The following CCDC93 variants were observed in gnomAD, a reference collection of about 807,000 sequenced individuals.
CCDC93 encodes the protein coiled-coil domain-containing protein 93.
Under a neutral mutation model 108.2 loss-of-function variants are expected in CCDC93, and 61 were observed. That is an observed-to-expected ratio of 0.56 (90% confidence interval 0.46 to 0.70). CCDC93 has a LOEUF of 0.70. Ranked by LOEUF, CCDC93 falls within the 30% of genes least tolerant of loss-of-function variation. CCDC93 has a pLI of 0.00. For missense variants in CCDC93, 685 were observed against 764.2 expected (o/e 0.90, Z 1.22); for synonymous variants, 276 against 260.4 (o/e 1.06, Z -0.58).
chr2:117,945,429 G>C (rs573327113), intron 17 of CCDC93, 100 bp downstream of exon 17: 6 of 943,074 alleles, frequency 6.4e-6, no homozygotes, highest in South Asian at 4.1e-5. Flanking sequence ...GTTGGCCATA[G>C]AGCACATTAA....
At chr2:117,970,354 A>G (rs1679721455) in intron 11 of CCDC93, among the ~76,000 whole-genome samples, 1 of 152,220 alleles carries the variant, frequency 6.6e-6, no homozygotes, top group Admixed American at 6.5e-5. Context: ...AATTCTACAT[A>G]GGTTAAAGAA....
At chr2:117,955,111 C>T (rs997659743) in intron 12 of CCDC93, among the ~76,000 whole-genome samples, 1 of 152,116 alleles carries the variant, frequency 6.6e-6, no homozygotes, top group South Asian at 2.1e-4. Flanking sequence ...AATAATAGTA[C>T]CTCCCCTTCA....
intron 23 of CCDC93, among the ~76,000 whole-genome samples, chr2:117,923,680 G>A (rs4497885): frequency 6.9e-6 from 1 of 145,212 alleles, no homozygotes; most frequent in Non-Finnish European, 1.5e-5. Context: ...CTGCCTGCCT[G>A]CCTCTATAGA....
At position 117,995,183 on chromosome 2, in the gene CCDC93, G is replaced by A. The variant is rs181299044; in HGVS notation, c.519+263C>T. 3.4e-4 allele frequency among the ~76,000 whole-genome samples: 52 copies of A among 152,312 alleles called. No individual in the cohort carries two copies. The East Asian group carries it at 9.3e-3, about 27-fold the overall frequency. On this transcript the variant is annotated intron_variant, in intron 6 of 23. Coordinates refer to ENST00000376300, the MANE Select transcript of CCDC93 (RefSeq NM_019044.5). The stretch of plus-strand genomic sequence containing the variant: ...TATACCTGCCATTGGGATAAACTAG[G>A]AAGGGCTCTGTGTTTGGCTATTCCT...
intron 11 of CCDC93, among the ~76,000 whole-genome samples, chr2:117,964,047 T>C (rs906928950): frequency 6.6e-6 from 1 of 152,234 alleles, no homozygotes; most frequent in Non-Finnish European, 1.5e-5. Context: ...CAGGAAATCT[T>C]AGAGCCGTTT....
chr2:117,980,698 CATA>C lies in CCDC93; in HGVS notation c.621-2671_621-2669del, dbSNP rs1217121429. Among the ~76,000 whole-genome samples the C allele has an allele frequency of 3.9e-5, 6 of 152,328 alleles. No homozygotes were observed. The East Asian group carries it at 9.6e-4, about 24-fold the overall frequency. On this transcript the variant is annotated intron_variant, in intron 7 of 23. Coordinates refer to ENST00000376300, the MANE Select transcript of CCDC93 (RefSeq NM_019044.5). The stretch of plus-strand genomic sequence containing the variant: ...TTTAAAAAAATATTTTAAAAACTGA[CATA>C]ATTCATATAATATAAAATTCACCAT...
Position 118,013,923 on chromosome 2 carries a change from G to A in CCDC93, c.42+31C>T, listed in dbSNP as rs950691554. 13 of 1,548,174 alleles carry A rather than the reference G, an allele frequency of 8.4e-6. No homozygotes were observed. In the Admixed American group the frequency reaches 1.6e-4, roughly 19 times the overall value. ...GCTCGGCCCTCTCTTCAGGAACCCC[G>A]ACGTGTCAGGGAAGGAGGAGGCGTT... On this transcript the variant is annotated intron_variant, in intron 1 of 23. Coordinates refer to ENST00000376300, the MANE Select transcript of CCDC93 (RefSeq NM_019044.5).
chr2:117,937,679 G>T (rs1678566848), intron 20 of CCDC93, among the ~76,000 whole-genome samples: 1 of 152,194 alleles, frequency 6.6e-6, no homozygotes, highest in Admixed American at 6.5e-5. Context: ...TTTGGGAAGG[G>T]GCTGGCCTAT....
chr2:117,935,611 C>A, intron 21 of CCDC93, 32 bp from the exon 22 acceptor site: 1 of 1,490,048 alleles, frequency 6.7e-7, no homozygotes, highest in Non-Finnish European at 9.4e-7. Context: ...TTATGACCGG[C>A]ACACAGGACT....
rs1396871708 is a variant in CCDC93 at position 117,931,155 on chromosome 2, T to C, written c.1729-5A>G. The C allele has an allele frequency of 6.2e-7, 1 of 1,602,754 alleles. No individual in the cohort carries two copies. Among genetic ancestry groups the C allele is most frequent in the African/African-American group, 1.3e-5 (1 of 74,664 alleles). Reference sequence around the variant, plus strand: ...CTCTTGCTTTTTCTTTTCCATCTGTTGAAACATTGTGGGAAATGGTGATGA... The same window carrying C: ...CTCTTGCTTTTTCTTTTCCATCTGTCGAAACATTGTGGGAAATGGTGATGA... On this transcript the variant is annotated splice_polypyrimidine_tract_variant and splice_region_variant and intron_variant, in intron 22 of 23. Transcript: ENST00000376300.
chr2:118,005,879 G>T lies in CCDC93; in HGVS notation c.251+843C>A, dbSNP rs1220953279. 4.6e-5 allele frequency among the ~76,000 whole-genome samples: 7 copies of T among 152,176 alleles called. No individual in the cohort carries two copies. The East Asian group carries it at 5.8e-4, about 13-fold the overall frequency. ...ATGCTGTATAAATATAAAGTAAATT[G>T]CAACATTCCTGATGCTCAGTTACTC... On this transcript the variant is annotated intron_variant, in intron 3 of 23. Transcript: ENST00000376300.
chr2:117,917,025 A>G lies in CCDC93; in HGVS notation c.*3318T>C, dbSNP rs1188062554. On this transcript the variant is annotated 3_prime_UTR_variant, in exon 24 of 24. Coordinates refer to ENST00000376300, the MANE Select transcript of CCDC93 (RefSeq NM_019044.5). ...AACACCAGCCATGAGTAAATCATAA[A>G]GTGCTTCCTTAAAGTGTTCTTCCTC... is the stretch of plus-strand genomic sequence containing the variant. 1 of 152,248 alleles carries G rather than the reference A, an allele frequency of 6.6e-6. No individual in the cohort carries two copies. The highest frequency in any genetic ancestry group is 2.4e-5 in the African/African-American group (1 of 41,468). The allele number at this position is 152,248 out of a possible 1,614,324, so 9.4% of individuals were successfully genotyped here. A position where few individuals can be genotyped will look rare whatever the true frequency, so the allele number is the denominator to read the frequency against.
intron 6 of CCDC93, among the ~76,000 whole-genome samples, chr2:117,990,021 C>T (rs977114645): frequency 6.6e-6 from 1 of 152,214 alleles, no homozygotes; most frequent in Non-Finnish European, 1.5e-5. Flanking sequence ...CCTCTATTCT[C>T]ATACAAAAGT....
chr2:117,927,306 A>G lies in CCDC93; in HGVS notation c.1842+3731T>C, dbSNP rs201920858. On this transcript the variant is annotated intron_variant, in intron 23 of 23. Coordinates refer to ENST00000376300, the MANE Select transcript of CCDC93 (RefSeq NM_019044.5). ...AGGAGAAGGAAATAAAGGGTATTCA[A>G]TTAGGAAAAGAAGAAGTCAAATTGT... Among the ~76,000 whole-genome samples, 77 of 152,258 alleles carry G rather than the reference A, an allele frequency of 5.1e-4. 3 individuals carry two copies. In the East Asian group the frequency reaches 0.015, roughly 29 times the overall value.
At chr2:118,003,330 T>C (rs989552805) in intron 3 of CCDC93, among the ~76,000 whole-genome samples, 23 of 152,240 alleles carry the variant, frequency 1.5e-4, no homozygotes, top group African/African-American at 5.5e-4. Flanking sequence ...TCATAGCTTA[T>C]TTAATTTCCT....
intron 11 of CCDC93, among the ~76,000 whole-genome samples, chr2:117,973,186 G>C (rs1679819828): frequency 1.3e-5 from 2 of 152,158 alleles, no homozygotes; most frequent in African/African-American, 4.8e-5. Context: ...TCAGGGCAGA[G>C]CTAATTTGTA....
chr2:117,944,162 T>C, intron 17 of CCDC93, 76 bp from the exon 18 acceptor site: 1 of 1,066,798 alleles, frequency 9.4e-7, no homozygotes, highest in Non-Finnish European at 1.4e-6. Flanking sequence ...GAAAGTTGAA[T>C]ATGTTTTTAT....
chr2:117,929,028 CAT>C (rs924461778), intron 23 of CCDC93, among the ~76,000 whole-genome samples: 4 of 150,132 alleles, frequency 2.7e-5, no homozygotes, highest in African/African-American at 7.4e-5. Context: ...CTAAACACCA[CAT>C]GTTTTCACTC....
chr2:117,953,728 C>CAAAAA (rs11310138), intron 12 of CCDC93, among the ~76,000 whole-genome samples: 1 of 132,250 alleles, frequency 7.6e-6, no homozygotes, highest in African/African-American at 2.8e-5. Flanking sequence ...CTGCTGTCTC[C>CAAAAA]AAAAAAAAAA....
Sources: gnomAD v4.1 joint callset for allele counts (sites outside exome capture counted in the v4.1 genomes callset) on GRCh38, gnomAD v4.1.1 for gene constraint, MANE v1.5 for transcripts, NCBI Gene and HGNC (gene_info 2026-07-23, HGNC 2026-07-21) for gene names.